The following DLG2 variants were observed in gnomAD, a reference collection of about 807,000 sequenced individuals.
DLG2 encodes the protein discs large MAGUK scaffold protein 2, also known as disks large homolog 2.
A neutral mutation model predicts 132.5 loss-of-function variants in DLG2; 45 were observed. The ratio of observed to expected loss-of-function variants is 0.34; its 90% CI spans 0.27 to 0.44. The LOEUF (loss-of-function observed/expected upper bound fraction) is 0.44. Ranked by LOEUF, DLG2 falls within the 20% of genes least tolerant of loss-of-function variation. The probability of loss-of-function intolerance (pLI) is 1.00; values close to 1 mark genes in which losing one functional copy is unlikely to be tolerated. For synonymous variants in DLG2, 424 were observed against 419.6 expected, an observed-to-expected ratio of 1.01 and a Z score of -0.13; for missense variants, 1,045 against 1,196.9, an observed-to-expected ratio of 0.87 and a Z score of 1.87.
At chr11:84,830,613 T>C (rs2078909447) in intron 6 of DLG2, among the ~76,000 whole-genome samples, 1 of 151,532 alleles carries the variant, frequency 6.6e-6, no homozygotes, top group African/African-American at 2.4e-5. Flanking sequence ...CCTTCATACT[T>C]GTAGCATTAA....
At chr11:83,794,437 GTTTTTTTTTTT>G (rs200672667) in intron 17 of DLG2, among the ~76,000 whole-genome samples, 2 of 127,498 alleles carry the variant, frequency 1.6e-5, no homozygotes, top group East Asian at 2.4e-4. Flanking sequence ...TTTACTATTG[GTTTTTTTTTTT>G]TTTTTTTTTT....
chr11:84,039,326 G>A (rs866700489), intron 11 of DLG2, among the ~76,000 whole-genome samples: 20 of 148,316 alleles, frequency 1.3e-4, no homozygotes, highest in African/African-American at 5.0e-4. Context: ...CCACTAACTC[G>A]TCATCTACCA....
intron 6 of DLG2, among the ~76,000 whole-genome samples, chr11:84,856,195 G>GA (rs1242619229): frequency 4.0e-5 from 6 of 151,730 alleles, no homozygotes; most frequent in Non-Finnish European, 7.4e-5. Flanking sequence ...ATCCTTCTTC[G>GA]AAAAAACAGT....
At position 84,058,506 on chromosome 11, in the gene DLG2, C is replaced by CAATAATAATAAT. The variant is rs900276483; in HGVS notation, c.919+797_919+808dup. ...GTCTGTCTCTACCAAAAAACAAATA[C>CAATAATAATAAT]AATAATAATAATAATAATAATAATA... On this transcript the variant is annotated intron_variant, in intron 11 of 27. Coordinates refer to ENST00000376104, the MANE Select transcript of DLG2 (RefSeq NM_001142699.3). Among the ~76,000 whole-genome samples the CAATAATAATAAT allele has an allele frequency of 1.6e-4, 20 of 128,158 alleles. 1 individual carries two copies. The highest frequency in any genetic ancestry group is 6.9e-4 in the African/African-American group (19 of 27,626). The allele number at this position is 128,158 out of a possible 152,430, so 84.1% of individuals were successfully genotyped here.
intron 18 of DLG2, among the ~76,000 whole-genome samples, chr11:83,710,892 A>G (rs2085258801): frequency 6.6e-6 from 1 of 152,220 alleles, no homozygotes; most frequent in Non-Finnish European, 1.5e-5. Context: ...ATATGCTAGT[A>G]ACAATCATTT....
chr11:84,549,790 G>C (rs1031153197), intron 6 of DLG2, among the ~76,000 whole-genome samples: 2 of 152,000 alleles, frequency 1.3e-5, no homozygotes, highest in African/African-American at 4.8e-5. Flanking sequence ...GTCTCGCTCT[G>C]TCACCTAGGC....
At chr11:84,745,638 G>A (rs1415233693) in intron 6 of DLG2, among the ~76,000 whole-genome samples, 3 of 152,214 alleles carry the variant, frequency 2.0e-5, no homozygotes, top group East Asian at 1.9e-4. Flanking sequence ...AATAAAAGGC[G>A]GGATAGCTCC....
chr11:84,754,739 C>G (rs1425750477), intron 6 of DLG2, among the ~76,000 whole-genome samples: 11 of 152,040 alleles, frequency 7.2e-5, no homozygotes, highest in African/African-American at 2.4e-4. Context: ...TTGTTGAAAC[C>G]CACAGAATGT....
intron 6 of DLG2, among the ~76,000 whole-genome samples, chr11:84,973,238 T>A (rs900184117): frequency 1.3e-5 from 2 of 152,056 alleles, no homozygotes; most frequent in African/African-American, 4.8e-5. Context: ...GGATTACAGG[T>A]GTGAGCCACC....
chr11:85,547,831 C>T (rs937254707), intron 3 of DLG2, among the ~76,000 whole-genome samples: 10 of 152,006 alleles, frequency 6.6e-5, no homozygotes, highest in African/African-American at 2.2e-4. Flanking sequence ...TTTTTCAGCT[C>T]CATCAGGTCA....
At chr11:84,601,997 T>C (rs1006514095) in intron 6 of DLG2, among the ~76,000 whole-genome samples, 3 of 151,992 alleles carry the variant, frequency 2.0e-5, no homozygotes, top group Non-Finnish European at 4.4e-5. Flanking sequence ...TCCAGAGGTC[T>C]AGAATTCAAA....
intron 7 of DLG2, among the ~76,000 whole-genome samples, chr11:84,400,032 T>G (rs938449558): frequency 6.6e-6 from 1 of 152,216 alleles, no homozygotes; most frequent in Non-Finnish European, 1.5e-5. Flanking sequence ...AATACATGTT[T>G]GAAAATTCTG....
intron 11 of DLG2, among the ~76,000 whole-genome samples, chr11:84,046,232 A>G (rs2096240584): frequency 6.6e-6 from 1 of 151,664 alleles, no homozygotes; most frequent in Non-Finnish European, 1.5e-5. Flanking sequence ...ATGCTTTGTT[A>G]AATATTAGTT....
chr11:84,792,166 C>T (rs534317469), intron 6 of DLG2, among the ~76,000 whole-genome samples: 2 of 152,204 alleles, frequency 1.3e-5, no homozygotes, highest in South Asian at 4.2e-4. Context: ...TTATCAAATG[C>T]TTTTTAGCAT....
At chr11:85,074,336 T>C (rs1312842550) in intron 6 of DLG2, among the ~76,000 whole-genome samples, 4 of 152,048 alleles carry the variant, frequency 2.6e-5, no homozygotes, top group Middle Eastern at 3.4e-3. Context: ...TAAGCCTTTA[T>C]ACAGCTTCTC....
chr11:85,340,645 A>G (rs2082425926), intron 3 of DLG2, among the ~76,000 whole-genome samples: 1 of 152,238 alleles, frequency 6.6e-6, no homozygotes, highest in Non-Finnish European at 1.5e-5. Context: ...TATAATTTTT[A>G]AAAAGGTAAA....
intron 6 of DLG2, among the ~76,000 whole-genome samples, chr11:84,714,399 G>T (rs544476635): frequency 2.0e-5 from 3 of 152,152 alleles, no homozygotes; most frequent in African/African-American, 7.2e-5. Flanking sequence ...AGGAAAAAGG[G>T]GTCTGGGAGA....
At chr11:84,792,174 C>T (rs2073943904) in intron 6 of DLG2, among the ~76,000 whole-genome samples, 1 of 152,094 alleles carries the variant, frequency 6.6e-6, no homozygotes, top group African/African-American at 2.4e-5. Context: ...TGCTTTTTAG[C>T]ATCAATTGAA....
At chr11:84,502,334 CT>C (rs1298582971) in intron 7 of DLG2, among the ~76,000 whole-genome samples, 1 of 25,652 alleles carries the variant, frequency 3.9e-5, no homozygotes, top group African/African-American at 2.7e-4. Flanking sequence ...TTCTTTCTTT[CT>C]TTCTTTCTTT....
Sources: allele counts gnomAD v4.1 joint callset (sites outside exome capture counted in the v4.1 genomes callset), GRCh38; gene constraint gnomAD v4.1.1; transcripts MANE v1.5; gene names NCBI Gene and HGNC (gene_info 2026-07-23, HGNC 2026-07-21).